NOL10: variants seen among roughly 807,000 people sequenced by gnomAD.
NOL10 encodes nucleolar protein 10.
Under a neutral mutation model 103.5 loss-of-function variants are expected in NOL10, and 58 were observed. The observed-to-expected ratio is 0.56, with a 90% confidence interval of 0.45 to 0.70. NOL10 has a LOEUF of 0.70. Ranked by LOEUF, NOL10 falls within the 30% of genes least tolerant of loss-of-function variation. The probability of loss-of-function intolerance (pLI) is 0.00; values close to 1 mark genes in which losing one functional copy is unlikely to be tolerated. For synonymous variants in NOL10, 287 were observed against 282.5 expected (o/e 1.02, Z -0.16); for missense variants, 763 against 807.3 (o/e 0.95, Z 0.67).
intron 20 of NOL10, 48 bp downstream of exon 20, chr2:10,577,588 G>T: frequency 7.5e-7 from 1 of 1,325,756 alleles, no homozygotes; most frequent in Non-Finnish European, 1.1e-6. Flanking sequence ...CTATTGAAAG[G>T]CTATTTTTCT....
chr2:10,646,039 C>G lies in NOL10; in HGVS notation c.974-1667G>C, dbSNP rs1239970687. Among the ~76,000 whole-genome samples, 4 of 151,936 alleles carry G rather than the reference C, an allele frequency of 2.6e-5. No individual in the cohort carries two copies. In the East Asian group the frequency reaches 7.7e-4, roughly 29 times the overall value. ...GAATAATGTCTAAATTAAACCAAAA[C>G]AAAGTCAGAGCTGTTTTTCATAGCT... On this transcript the variant is annotated intron_variant, in intron 12 of 20. Transcript: ENST00000381685.
intron 12 of NOL10, among the ~76,000 whole-genome samples, chr2:10,645,830 C>T (rs948368699): frequency 6.6e-6 from 1 of 151,824 alleles, no homozygotes; most frequent in Non-Finnish European, 1.5e-5. Context: ...CATCTGGCCT[C>T]GATACTATCT....
intron 5 of NOL10, 33 bp from the exon 6 acceptor site, chr2:10,671,723 G>C (rs1233906429): frequency 3.3e-6 from 5 of 1,500,316 alleles, no homozygotes; most frequent in South Asian, 1.3e-5. Context: ...AGTTTGCTTA[G>C]GTTTCTAGTT....
chr2:10,585,971 G>A (rs891311128), intron 19 of NOL10, among the ~76,000 whole-genome samples: 3 of 152,168 alleles, frequency 2.0e-5, no homozygotes. Context: ...GCTACAACAC[G>A]GATGAACATT....
chr2:10,573,688 A>G (rs1457941769), intron 20 of NOL10, among the ~76,000 whole-genome samples: 1 of 148,874 alleles, frequency 6.7e-6, no homozygotes, highest in Admixed American at 6.7e-5. Context: ...CATTTCTCCC[A>G]TTCTAATAAG....
chr2:10,584,688 T>C (rs1674931535), intron 19 of NOL10, among the ~76,000 whole-genome samples: 1 of 152,214 alleles, frequency 6.6e-6, no homozygotes, highest in Non-Finnish European at 1.5e-5. Context: ...TTATCACTTA[T>C]ATAGTTCTCA....
intron 5 of NOL10, 33 bp from the exon 6 acceptor site, chr2:10,671,723 G>T (rs1233906429): frequency 6.7e-7 from 1 of 1,500,316 alleles, no homozygotes; most frequent in African/African-American, 1.4e-5. Flanking sequence ...AGTTTGCTTA[G>T]GTTTCTAGTT....
intron 3 of NOL10, among the ~76,000 whole-genome samples, chr2:10,676,707 G>A (rs545629818): frequency 2.6e-4 from 39 of 149,108 alleles, no homozygotes; most frequent in Non-Finnish European, 4.9e-4. Flanking sequence ...GCGTGATCTC[G>A]GCTCACTGCA....
intron 13 of NOL10, among the ~76,000 whole-genome samples, chr2:10,622,494 AAAAG>A (rs1677206850): frequency 6.9e-6 from 1 of 145,368 alleles, no homozygotes; most frequent in South Asian, 2.1e-4. Context: ...TTTTCAAAAA[AAAAG>A]AGAGAAGAAA....
At chr2:10,587,204 C>CATATATATAT (rs1558270643) in intron 19 of NOL10, among the ~76,000 whole-genome samples, 1 of 34,446 alleles carries the variant, frequency 2.9e-5, no homozygotes, top group African/African-American at 2.2e-4. Flanking sequence ...CATATATATA[C>CATATATATAT]ACATATATAT....
At chr2:10,585,741 CTCCTA>C (rs770640265) in intron 19 of NOL10, among the ~76,000 whole-genome samples, 1 of 152,148 alleles carries the variant, frequency 6.6e-6, no homozygotes, top group African/African-American at 2.4e-5. Context: ...TGCACACCCT[CTCCTA>C]TATGTTAAAT....
intron 13 of NOL10, among the ~76,000 whole-genome samples, chr2:10,628,969 G>A (rs184671761): frequency 1.8e-4 from 28 of 152,154 alleles, no homozygotes; most frequent in African/African-American, 6.5e-4. Flanking sequence ...ACGTTTTCTC[G>A]GTTGAGAAAG....
rs542256979 is a variant in NOL10 at position 10,673,006 on chromosome 2, G to C, written c.327+514C>G. Among the ~76,000 whole-genome samples, 6 of 152,070 alleles carry C rather than the reference G, an allele frequency of 3.9e-5. No individual in the cohort carries two copies. The East Asian group carries it at 9.6e-4, about 24-fold the overall frequency. On this transcript the variant is annotated intron_variant, in intron 5 of 20. Transcript: ENST00000381685. ...AAGGCCCTGTCTCCAAAAAAAAAGAGTTGAAAGATGGACTAATGGCACCAA... is the reference window on the plus strand; with the variant it reads ...AAGGCCCTGTCTCCAAAAAAAAAGACTTGAAAGATGGACTAATGGCACCAA...
chr2:10,572,197 G>C lies in NOL10; in HGVS notation c.1948-7C>G, dbSNP rs368175858. 1 of 1,613,702 alleles carries C rather than the reference G, an allele frequency of 6.2e-7. No homozygotes were observed. The highest frequency in any genetic ancestry group is 8.5e-7 in the Non-Finnish European group (1 of 1,179,826). On this transcript the variant is annotated splice_region_variant and splice_polypyrimidine_tract_variant and intron_variant, in intron 20 of 20. Transcript: ENST00000381685. ...GCTTCTTCTGCTGTTCAGACTAAAA[G>C]AGAAAATGAAATGAGTAGAGGGAAA...
chr2:10,659,170 A>G lies in NOL10; in HGVS notation c.756+2T>C. ...TGTGGTTTCCAAATTAAACATATTTACCTGCCCTGTGGTTGTTCCAACTGC... is the reference window on the plus strand; with the variant it reads ...TGTGGTTTCCAAATTAAACATATTTGCCTGCCCTGTGGTTGTTCCAACTGC... On this transcript the variant is annotated splice_donor_variant, in intron 10 of 20. Transcript: ENST00000381685. LOFTEE classifies it high-confidence loss of function. 6.3e-7 allele frequency: 1 copy of G among 1,591,738 alleles called. No homozygotes were observed. Among genetic ancestry groups the G allele is most frequent in the South Asian group, 1.1e-5 (1 of 87,674 alleles).
At chr2:10,586,480 A>C (rs897383558) in intron 19 of NOL10, among the ~76,000 whole-genome samples, 1 of 152,258 alleles carries the variant, frequency 6.6e-6, no homozygotes, top group African/African-American at 2.4e-5. Context: ...TTGGTCAGTA[A>C]AGAAAACACC....
intron 12 of NOL10, among the ~76,000 whole-genome samples, chr2:10,650,205 A>G (rs1679363636): frequency 6.6e-6 from 1 of 152,180 alleles, no homozygotes; most frequent in South Asian, 2.1e-4. Context: ...CACCCAGGCA[A>G]GAGTACAGTT....
intron 13 of NOL10, chr2:10,622,270 A>C: frequency 2.3e-6 from 1 of 440,856 alleles, no homozygotes; most frequent in East Asian, 7.1e-5. Flanking sequence ...GTGCTGACCA[A>C]AATGATATTG....
At chr2:10,668,312 A>T (rs1490537389) in intron 7 of NOL10, among the ~76,000 whole-genome samples, 1 of 152,216 alleles carries the variant, frequency 6.6e-6, no homozygotes, top group Non-Finnish European at 1.5e-5. Flanking sequence ...ATAAAAATTT[A>T]AAAATGGCAC....
Sources: gnomAD v4.1 joint callset for allele counts (sites outside exome capture counted in the v4.1 genomes callset) on GRCh38, gnomAD v4.1.1 for gene constraint, MANE v1.5 for transcripts, NCBI Gene and HGNC (gene_info 2026-07-23, HGNC 2026-07-21) for gene names.